The following ARID1A variants were observed in gnomAD, a reference collection of about 807,000 sequenced individuals.
ARID1A encodes AT-rich interaction domain 1A.
Under a neutral mutation model 212.6 loss-of-function variants are expected in ARID1A, and 20 were observed. The observed-to-expected ratio is 0.09, with a 90% CI of 0.07 to 0.14. The LOEUF is 0.14. Ranked by LOEUF, ARID1A falls within the 10% of genes least tolerant of loss-of-function variation. The pLI is 1.00. For missense variants in ARID1A, 2,587 were observed against 3,059.0 expected (o/e 0.85, Z 3.64); for synonymous variants, 1,376 against 1,222.1 (o/e 1.13, Z -2.63).
At chr1:26,754,656 G>A (rs149094757) in intron 4 of ARID1A, among the ~76,000 whole-genome samples, 1 of 152,302 alleles carries the variant, frequency 6.6e-6, no homozygotes, top group Non-Finnish European at 1.5e-5. Context: ...CTAACTCAGA[G>A]GCGTGACCTT....
At chr1:26,699,033 C>G (rs1299750569) in intron 1 of ARID1A, among the ~76,000 whole-genome samples, 2 of 152,146 alleles carry the variant, frequency 1.3e-5, no homozygotes, top group Non-Finnish European at 2.9e-5. Flanking sequence ...GAGGGACTTT[C>G]TCCTAAAGGC....
chr1:26,722,428 T>C (rs1412926440), intron 1 of ARID1A, among the ~76,000 whole-genome samples: 1 of 152,148 alleles, frequency 6.6e-6, no homozygotes, highest in Non-Finnish European at 1.5e-5. Context: ...GTATTTTTAG[T>C]AGAGACGGGG....
In ARID1A at chr1:26,696,259, A is replaced by T; in HGVS notation, c.-145A>T. ...CGGCGGGGCGGGGGGGAGAGGAGCGAGCGCAGCGCAGCAGCGGAGCCCCGC... is the reference window on the plus strand; with the variant it reads ...CGGCGGGGCGGGGGGGAGAGGAGCGTGCGCAGCGCAGCAGCGGAGCCCCGC... On this transcript the variant is annotated 5_prime_UTR_variant, in exon 1 of 20. Transcript: ENST00000324856. 1 of 864,906 alleles carries T rather than the reference A, an allele frequency of 1.2e-6. No homozygotes were observed. Among genetic ancestry groups the T allele is most frequent in the Non-Finnish European group, 1.4e-6 (1 of 695,054 alleles). The allele number at this position is 864,906 out of a possible 1,614,324, so 53.6% of individuals were successfully genotyped here. A position where few individuals can be genotyped will look rare whatever the true frequency, so the allele number is the denominator to read the frequency against.
rs2124142468 is a variant in ARID1A, at chr1:26,779,649, T to C, written c.5751T>C (p.Thr1917=). The change falls in exon 20 of 20, where the codon ACT becomes ACC. Residue 1917 remains threonine (T), a synonymous_variant. Transcript: ENST00000324856. ...ITATMDDMLS[T]RSSTLTEDGA... The stretch of plus-strand genomic sequence containing the variant: ...CCACTATGGATGACATGTTGTCTAC[T>C]CGGTCTAGCACCTTGACCGAGGATG... 1 of 1,614,114 alleles carries C rather than the reference T, an allele frequency of 6.2e-7. No individual in the cohort carries two copies. The highest frequency in any genetic ancestry group is 8.5e-7 in the Non-Finnish European group (1 of 1,180,028).
chr1:26,774,952 A>G lies in ARID1A; in HGVS notation c.4725A>G (p.Pro1575=), dbSNP rs773525655. 2.8e-5 allele frequency: 36 copies of G among 1,280,030 alleles called. No individual in the cohort carries two copies. The African/African-American group carries it at 5.2e-4, about 18-fold the overall frequency. The allele number at this position is 1,280,030 out of a possible 1,614,324, so 79.3% of individuals were successfully genotyped here. A position where few individuals can be genotyped will look rare whatever the true frequency, so the allele number is the denominator to read the frequency against. The part of the protein sequence containing the change: ...TRPPPSNYQP[P]PSMQNHIPQV... ...CCCCTCCATCTAACTACCAGCCCCC[A>G]CCAAGCATGCAGAATCACATTCCTC... The change falls in exon 18 of 20, where the codon CCA becomes CCG. Residue 1575 remains proline, a synonymous_variant. Coordinates refer to ENST00000324856, the MANE Select transcript of ARID1A (RefSeq NM_006015.6). The surrounding 1 kb of genome is among the most constrained non-coding windows in gnomAD (Gnocchi z 5.6).
intron 1 of ARID1A, among the ~76,000 whole-genome samples, chr1:26,705,863 C>T (rs569389149): frequency 2.6e-5 from 4 of 152,294 alleles, no homozygotes; most frequent in Non-Finnish European, 5.9e-5. Context: ...GTCTATTTCC[C>T]AGTGGCTTCT....
chr1:26,766,069 T>G (rs1301626652), intron 8 of ARID1A, 152 bp from the exon 9 acceptor site: 1 of 829,824 alleles, frequency 1.2e-6, no homozygotes, highest in African/African-American at 1.7e-5. Flanking sequence ...AAAAATAATA[T>G]CTGGATGTTG....
At chr1:26,768,034 G>T in intron 11 of ARID1A, 35 bp downstream of exon 11, 1 of 1,601,922 alleles carries the variant, frequency 6.2e-7, no homozygotes. Context: ...TGCCCCTGTG[G>T]TTTCCACAAA....
At chr1:26,746,836 A>G (rs1035482084) in intron 4 of ARID1A, among the ~76,000 whole-genome samples, 1 of 152,230 alleles carries the variant, frequency 6.6e-6, no homozygotes, top group African/African-American at 2.4e-5. Context: ...CAGGAGTTCA[A>G]GGCTGGCCAA....
intron 1 of ARID1A, among the ~76,000 whole-genome samples, chr1:26,700,609 TAAA>T (rs1407002858): frequency 1.3e-5 from 2 of 152,224 alleles, no homozygotes; most frequent in Non-Finnish European, 2.9e-5. Flanking sequence ...TTTACCAAGG[TAAA>T]AAATAAAATA....
At position 26,760,847 on chromosome 1, in the gene ARID1A, A is replaced by G. The variant is rs1413571985; in HGVS notation, c.1921-9A>G. On this transcript the variant is annotated splice_polypyrimidine_tract_variant and intron_variant, in intron 4 of 19. Coordinates refer to ENST00000324856, the MANE Select transcript of ARID1A (RefSeq NM_006015.6). ...ATTACTAATCCATGTTCTTATATAT[A>G]TGTTCTAGGATCTATCTGGTTCAAT... 2 of 1,604,878 alleles carry G rather than the reference A, an allele frequency of 1.2e-6. No individual in the cohort carries two copies. The highest frequency in any genetic ancestry group is 1.7e-6 in the Non-Finnish European group (2 of 1,172,948).
At chr1:26,701,307 C>A (rs2080329790) in intron 1 of ARID1A, among the ~76,000 whole-genome samples, 1 of 152,172 alleles carries the variant, frequency 6.6e-6, no homozygotes, top group South Asian at 2.1e-4. Context: ...CCGAGTAGTT[C>A]TTTTCTGCCA....
intron 6 of ARID1A, 57 bp from the exon 7 acceptor site, chr1:26,762,095 G>C (rs2124062116): frequency 6.7e-7 from 1 of 1,496,054 alleles, no homozygotes; most frequent in Admixed American, 2.1e-5. Context: ...TAAGGATGGA[G>C]AGCATTTGTT....
chr1:26,773,832 C>G lies in ARID1A; in HGVS notation c.4035C>G (p.Thr1345=), dbSNP rs2081108261. Residue 1345 remains threonine, a synonymous_variant, in exon 17 of 20, where the codon ACC becomes ACG. Transcript: ENST00000324856. The stretch of plus-strand genomic sequence containing the variant: ...ATTCCTATGGCAATCAGTTCTCCAC[C>G]CAAGGCACCCCTTCTGGCAGCCCCT... ...RHDSYGNQFS[T]QGTPSGSPFP... The G allele has an allele frequency of 1.2e-6, 2 of 1,614,082 alleles. No individual in the cohort carries two copies. Among genetic ancestry groups the G allele is most frequent in the South Asian group, 1.1e-5 (1 of 91,086 alleles).
chr1:26,760,999 C>G lies in ARID1A; in HGVS notation c.2064C>G (p.His688Gln), dbSNP rs772402358. The G allele has an allele frequency of 6.2e-7, 1 of 1,614,074 alleles. No individual in the cohort carries two copies. Among genetic ancestry groups the G allele is most frequent in the Admixed American group, 1.7e-5 (1 of 60,020 alleles). Reference sequence around the variant, plus strand: ...CTTTCTCTCCTCATACCTCCCCTCACCTGCCTGGCATCCGAGGCCCTTCCC... The same window carrying G: ...CTTTCTCTCCTCATACCTCCCCTCAGCTGCCTGGCATCCGAGGCCCTTCCC... ...QSPFSPHTSPHLPGIRGPSPS... is the reference protein window; with the variant it reads ...QSPFSPHTSPQLPGIRGPSPS... The change falls in exon 5 of 20, where the codon CAC becomes CAG. Residue 688 changes from histidine (H) to glutamine (Q), a missense_variant. By Grantham distance (24) the His-to-Gln change is conservative (BLOSUM62 0). This residue lies in a region of ARID1A where 674 missense variants were observed against 813.4 expected (regional missense o/e 0.83). Coordinates refer to ENST00000324856, the MANE Select transcript of ARID1A (RefSeq NM_006015.6).
chr1:26,737,420 ACT>A (rs950409148), intron 4 of ARID1A, among the ~76,000 whole-genome samples: 4 of 151,858 alleles, frequency 2.6e-5, no homozygotes, highest in African/African-American at 7.3e-5. Flanking sequence ...GCCTGGCCTG[ACT>A]CTACTTACTT....
At chr1:26,724,356 G>T (rs2080596582) in intron 1 of ARID1A, among the ~76,000 whole-genome samples, 1 of 152,148 alleles carries the variant, frequency 6.6e-6, no homozygotes, top group Non-Finnish European at 1.5e-5. Context: ...GCTCCTTAGG[G>T]TTGCCGCCTG....
chr1:26,723,585 C>T (rs771226429), intron 1 of ARID1A, among the ~76,000 whole-genome samples: 1 of 152,122 alleles, frequency 6.6e-6, no homozygotes, highest in East Asian at 1.9e-4. Context: ...AGCTTCATGG[C>T]CAGAGATTAC....
intron 1 of ARID1A, among the ~76,000 whole-genome samples, chr1:26,727,273 G>T (rs1453039207): frequency 6.6e-6 from 1 of 152,208 alleles, no homozygotes; most frequent in Non-Finnish European, 1.5e-5. Context: ...TACTGTGCAG[G>T]ATTTAGTAGT....
Sources: gnomAD v4.1 joint callset for allele counts (sites outside exome capture counted in the v4.1 genomes callset) on GRCh38, gnomAD v4.1.1 for gene constraint, gnomAD v4.1.1 regional missense constraint, Gnocchi (gnomAD v3.1) non-coding constraint, MANE v1.5 for transcripts, NCBI Gene and HGNC (gene_info 2026-07-23, HGNC 2026-07-21) for gene names.